Variants in LHPP observed in about 807,000 individuals in gnomAD.
LHPP encodes the protein phospholysine phosphohistidine inorganic pyrophosphate phosphatase.
In LHPP, 24 loss-of-function variants were observed where a neutral mutation model predicts 30.3. That is an observed-to-expected ratio of 0.79 (90% CI 0.57 to 1.11). LHPP has a LOEUF of 1.11. Ranked by LOEUF, LHPP falls within the 50% of genes most tolerant of loss-of-function variation. The probability of loss-of-function intolerance (pLI) is 0.00; values close to 1 mark genes in which losing one functional copy is unlikely to be tolerated. For missense variants in LHPP, 356 were observed against 367.2 expected (o/e 0.97, Z 0.25); for synonymous variants, 150 against 157.1 (o/e 0.95, Z 0.34).
In LHPP at chr10:124,613,378, C is replaced by G. The variant is rs778823630; in HGVS notation, c.*18C>G. ...ACAAGTGATGGCCTCCTGGGAGAGC[C>G]CCGCCTCCTCCACCCCTGCCTCTCC... On this transcript the variant is annotated 3_prime_UTR_variant, in exon 7 of 7. Coordinates refer to ENST00000368842, the MANE Select transcript of LHPP (RefSeq NM_022126.4). The G allele has an allele frequency of 6.4e-7, 1 of 1,571,952 alleles. No homozygotes were observed. Among genetic ancestry groups the G allele is most frequent in the South Asian group, 1.1e-5 (1 of 90,280 alleles).
At chr10:124,514,183 G>A (rs539052338) in intron 5 of LHPP, among the ~76,000 whole-genome samples, 4 of 152,314 alleles carry the variant, frequency 2.6e-5, no homozygotes, top group South Asian at 2.1e-4. Context: ...CCAGCCTGGG[G>A]GCAGAGGAAA....
chr10:124,537,672 G>A (rs1471962286), intron 6 of LHPP, among the ~76,000 whole-genome samples: 1 of 152,236 alleles, frequency 6.6e-6, no homozygotes, highest in Non-Finnish European at 1.5e-5. Flanking sequence ...TCTCAGACAA[G>A]GAAACTGAGG....
chr10:124,583,127 T>C (rs1336042136), intron 6 of LHPP, among the ~76,000 whole-genome samples: 1 of 152,218 alleles, frequency 6.6e-6, no homozygotes, highest in Non-Finnish European at 1.5e-5. Context: ...TTTTAAAGCA[T>C]AAAAGTTTTT....
chr10:124,475,223 G>A (rs1031695567), intron 1 of LHPP, among the ~76,000 whole-genome samples: 1 of 151,632 alleles, frequency 6.6e-6, no homozygotes, highest in Non-Finnish European at 1.5e-5. Context: ...GGGTTTCACT[G>A]TGTTGTTCGC....
chr10:124,499,813 A>G (rs1447557715), intron 5 of LHPP, among the ~76,000 whole-genome samples: 2 of 151,934 alleles, frequency 1.3e-5, no homozygotes, highest in Non-Finnish European at 2.9e-5. Flanking sequence ...CTGGTGCCTC[A>G]TGGTGCTTTG....
chr10:124,484,372 T>C, intron 2 of LHPP, 46 bp downstream of exon 2: 1 of 1,557,594 alleles, frequency 6.4e-7, no homozygotes, highest in Non-Finnish European at 8.8e-7. Flanking sequence ...AAAGCTCCCC[T>C]TTCCCAGGGT....
At chr10:124,587,600 C>T (rs553275240) in intron 6 of LHPP, among the ~76,000 whole-genome samples, 3 of 151,794 alleles carry the variant, frequency 2.0e-5, no homozygotes, top group East Asian at 2.0e-4. Context: ...ATTAGCCAGG[C>T]ATGGTGGCAC....
intron 5 of LHPP, among the ~76,000 whole-genome samples, chr10:124,500,820 C>T (rs78549983): frequency 0.018 from 2,723 of 152,002 alleles, 93 homozygotes; most frequent in East Asian, 0.11. Flanking sequence ...AATGACAATG[C>T]TGCCACGGAA....
intron 6 of LHPP, among the ~76,000 whole-genome samples, chr10:124,583,503 A>G (rs1564841537): frequency 6.6e-6 from 1 of 152,180 alleles, no homozygotes; most frequent in East Asian, 1.9e-4. Flanking sequence ...GAGCCTGGGT[A>G]ATTTATAAGA....
At chr10:124,497,265 T>G in intron 4 of LHPP, among the ~76,000 whole-genome samples, 1 of 94,276 alleles carries the variant, frequency 1.1e-5, no homozygotes, top group South Asian at 5.0e-4. Context: ...ATCCTCCCCA[T>G]CCTCCCCATC....
Position 124,496,941 on chromosome 10 carries a change from T to A in LHPP, c.468-20T>A. 15 of 1,610,212 alleles carry A rather than the reference T, an allele frequency of 9.3e-6. No individual in the cohort carries two copies. Among genetic ancestry groups the A allele is most frequent in the Non-Finnish European group, 1.3e-5 (15 of 1,177,894 alleles). On this transcript the variant is annotated intron_variant, in intron 3 of 6. Coordinates refer to ENST00000368842, the MANE Select transcript of LHPP (RefSeq NM_022126.4). This position sits in a 1 kb window ranked among gnomAD's most constrained non-coding sequence, Gnocchi z 4.3. ...GCTCCCCGTGCTCAGCATCCCGTGC[T>A]CCGTTCTGCTCTCTCCTAGGCGTTA...
chr10:124,566,058 ATGTT>A (rs1589869971), intron 6 of LHPP, among the ~76,000 whole-genome samples: 1 of 152,136 alleles, frequency 6.6e-6, no homozygotes, highest in Non-Finnish European at 1.5e-5. Context: ...CTGCCTGGCA[ATGTT>A]TGTTGTGGGC....
intron 6 of LHPP, among the ~76,000 whole-genome samples, chr10:124,553,038 G>T (rs770557848): frequency 6.6e-6 from 1 of 152,228 alleles, no homozygotes; most frequent in South Asian, 2.1e-4. Context: ...TCAGCGCTCC[G>T]CGGCCTCCTA....
At chr10:124,507,063 G>GGC (rs1954125621) in intron 5 of LHPP, among the ~76,000 whole-genome samples, 1 of 24,814 alleles carries the variant, frequency 4.0e-5, no homozygotes. Flanking sequence ...TTCAGGTGTA[G>GGC]GGGTAGACAG....
Position 124,497,274 on chromosome 10 carries a change from TCCTCCCCATCCTCCCCATCCTCC to T in LHPP, c.531+251_531+273del, listed in dbSNP as rs1246445519. Among the ~76,000 whole-genome samples, 736 of 92,072 alleles carry T rather than the reference TCCTCCCCATCCTCCCCATCCTCC, an allele frequency of 8.0e-3. 24 individuals are homozygous for T. Among genetic ancestry groups the T allele is most frequent in the African/African-American group, 0.027 (682 of 25,036 alleles). The allele number at this position is 92,072 out of a possible 152,430, so 60.4% of individuals were successfully genotyped here. ...CTCCCCATCCTCCCCATCCTCCCCATCCTCCCCATCCTCCCCATCCTCCAGTGGGCGCAGCCCCCCCTGCCCGC... is the reference window on the plus strand; with the variant it reads ...CTCCCCATCCTCCCCATCCTCCCCATAGTGGGCGCAGCCCCCCCTGCCCGC... On this transcript the variant is annotated intron_variant, in intron 4 of 6. Coordinates refer to ENST00000368842, the MANE Select transcript of LHPP (RefSeq NM_022126.4).
intron 5 of LHPP, among the ~76,000 whole-genome samples, chr10:124,509,928 G>A (rs1240545650): frequency 1.3e-5 from 2 of 152,196 alleles, no homozygotes; most frequent in African/African-American, 4.8e-5. Context: ...CCGCCTGTTA[G>A]ATGATGTTTC....
At position 124,478,876 on chromosome 10, in the gene LHPP, C is replaced by G. The variant is rs1953039245; in HGVS notation, c.126-5263C>G. On this transcript the variant is annotated intron_variant, in intron 1 of 6. Transcript: ENST00000368842. The surrounding 1 kb of genome is among the most constrained non-coding windows in gnomAD (Gnocchi z 4.7). The stretch of plus-strand genomic sequence containing the variant: ...TGGAGATTGGGAGTTCAAGACCAGC[C>G]TGGGCAACATGGTGAGACCCCGTCT... 6.6e-6 allele frequency among the ~76,000 whole-genome samples: 1 copy of G among 152,160 alleles called. No individual in the cohort carries two copies. Among genetic ancestry groups the G allele is most frequent in the Non-Finnish European group, 1.5e-5 (1 of 68,040 alleles).
chr10:124,598,716 T>C (rs1428822555), intron 6 of LHPP, among the ~76,000 whole-genome samples: 2 of 151,698 alleles, frequency 1.3e-5, no homozygotes, highest in Non-Finnish European at 2.9e-5. Flanking sequence ...TCCATCTGTC[T>C]ACCCGTACAC....
At chr10:124,484,492 G>A (rs1953256035) in intron 2 of LHPP, among the ~76,000 whole-genome samples, 166 bp downstream of exon 2, 2 of 151,998 alleles carry the variant, frequency 1.3e-5, no homozygotes, top group South Asian at 4.2e-4. Flanking sequence ...GCTGGGGGCT[G>A]GGGGCAGGTT....
Sources: gnomAD v4.1 joint callset for allele counts (sites outside exome capture counted in the v4.1 genomes callset) on GRCh38, gnomAD v4.1.1 for gene constraint, Gnocchi (gnomAD v3.1) non-coding constraint, MANE v1.5 for transcripts, NCBI Gene and HGNC (gene_info 2026-07-23, HGNC 2026-07-21) for gene names.